Variants in ASS1 observed in about 807,000 individuals in gnomAD.
ASS1 encodes argininosuccinate synthase 1.
A neutral mutation model predicts 60.5 loss-of-function variants in ASS1; 58 were observed. The observed-to-expected ratio is 0.96, with a 90% CI of 0.78 to 1.19. ASS1 has a LOEUF of 1.19. Ranked by LOEUF, ASS1 falls within the 50% of genes most tolerant of loss-of-function variation. ASS1 has a pLI of 0.00. For synonymous variants in ASS1, 200 were observed against 206.9 expected (o/e 0.97, Z 0.29); for missense variants, 454 against 547.3 (o/e 0.83, Z 1.70).
At chr9:130,484,926 C>T (rs1846271502) in intron 11 of ASS1, among the ~76,000 whole-genome samples, 1 of 152,196 alleles carries the variant, frequency 6.6e-6, no homozygotes, top group South Asian at 2.1e-4. Flanking sequence ...ATTAATTGCA[C>T]TGGTGTGTTT....
At position 130,461,669 on chromosome 9, in the gene ASS1, A is replaced by T. The variant is rs544443465; in HGVS notation, c.364-2442A>T. Reference sequence around the variant, plus strand: ...TGACAGTACCCAGGAAACCCCCAACAGCCTCTGGAGACAATTTCCGAGAAC... The same window carrying T: ...TGACAGTACCCAGGAAACCCCCAACTGCCTCTGGAGACAATTTCCGAGAAC... On this transcript the variant is annotated intron_variant, in intron 4 of 14. Transcript: ENST00000352480. 4.6e-5 allele frequency among the ~76,000 whole-genome samples: 7 copies of T among 152,314 alleles called. No individual in the cohort carries two copies. In the South Asian group the frequency reaches 1.5e-3, roughly 32 times the overall value.
chr9:130,452,106 A>G, intron 1 of ASS1, 118 bp from the exon 2 acceptor site: 1 of 861,662 alleles, frequency 1.2e-6, no homozygotes, highest in Non-Finnish European at 1.9e-6. Flanking sequence ...CTTCAGTGGC[A>G]GCTTGCCCAG....
intron 4 of ASS1, among the ~76,000 whole-genome samples, chr9:130,461,212 G>C (rs912024589): frequency 1.3e-5 from 2 of 151,958 alleles, no homozygotes; most frequent in Non-Finnish European, 2.9e-5. Flanking sequence ...ATGGGTGGGT[G>C]GGTGAGTATG....
intron 11 of ASS1, among the ~76,000 whole-genome samples, chr9:130,482,512 G>A (rs529041504): frequency 6.6e-6 from 1 of 152,044 alleles, no homozygotes; most frequent in South Asian, 2.1e-4. Flanking sequence ...CGTGATGAAA[G>A]TGTATTGCCT....
At chr9:130,465,725 G>A (rs1273769993) in intron 5 of ASS1, among the ~76,000 whole-genome samples, 1 of 152,262 alleles carries the variant, frequency 6.6e-6, no homozygotes, top group African/African-American at 2.4e-5. Context: ...TTAACCAGCT[G>A]GTAGCTCTTG....
chr9:130,476,928 AC>A lies in ASS1; in HGVS notation c.659del (p.Pro220LeufsTer14), dbSNP rs756128489. The A allele has an allele frequency of 1.9e-6, 3 of 1,613,492 alleles. No homozygotes were observed. In the South Asian group the frequency reaches 3.3e-5, roughly 18 times the overall value. On this transcript the variant is annotated frameshift_variant, in exon 9 of 15. Coordinates refer to ENST00000352480, the MANE Select transcript of ASS1 (RefSeq NM_054012.4). LOFTEE classifies it high-confidence loss of function. The surrounding 1 kb of genome is among the most constrained non-coding windows in gnomAD (Gnocchi z 4.9). ...KTQDPAKAPN[T>X]PDILEIEFKK... Reference sequence around the variant, plus strand: ...CCAGGACCCAGCCAAAGCCCCCAACACCCCTGACATTCTCGAGATCGAGTTC... The same window carrying A: ...CCAGGACCCAGCCAAAGCCCCCAACACCCTGACATTCTCGAGATCGAGTTC...
Position 130,501,169 on chromosome 9 carries a change from C to T in ASS1, c.*148C>T, listed in dbSNP as rs964933866. On this transcript the variant is annotated 3_prime_UTR_variant, in exon 15 of 15. Coordinates refer to ENST00000352480, the MANE Select transcript of ASS1 (RefSeq NM_054012.4). Reference sequence around the variant, plus strand: ...CCAGGCCCCAGCTTTGTTCCCTGGTCCCCCTGAAGCCTGCAAACGTTGTCA... The same window carrying T: ...CCAGGCCCCAGCTTTGTTCCCTGGTTCCCCTGAAGCCTGCAAACGTTGTCA... 1.8e-5 allele frequency: 15 copies of T among 838,802 alleles called. No individual in the cohort carries two copies. The highest frequency in any genetic ancestry group is 2.9e-5 in the Non-Finnish European group (15 of 512,376). The allele number at this position is 838,802 out of a possible 1,614,324, so 52.0% of individuals were successfully genotyped here. A position where few individuals can be genotyped will look rare whatever the true frequency, so the allele number is the denominator to read the frequency against.
chr9:130,464,575 G>A (rs759614239), intron 5 of ASS1, among the ~76,000 whole-genome samples: 3 of 152,062 alleles, frequency 2.0e-5, no homozygotes, highest in African/African-American at 4.8e-5. Context: ...AGAGCCCTCC[G>A]AGCCCCAGTC....
intron 6 of ASS1, among the ~76,000 whole-genome samples, chr9:130,469,512 G>T (rs1845821289): frequency 6.6e-6 from 1 of 151,888 alleles, no homozygotes; most frequent in African/African-American, 2.4e-5. Flanking sequence ...CCAAGTTCAA[G>T]TGATGCTCCT....
intron 12 of ASS1, among the ~76,000 whole-genome samples, chr9:130,493,475 G>A (rs1846502245): frequency 6.6e-6 from 1 of 152,148 alleles, no homozygotes; most frequent in Non-Finnish European, 1.5e-5. Flanking sequence ...TGGAGAGCAA[G>A]GACTCAACCT....
intron 3 of ASS1, among the ~76,000 whole-genome samples, chr9:130,455,322 A>C (rs1326729621): frequency 1.3e-5 from 2 of 151,458 alleles, no homozygotes; most frequent in African/African-American, 4.9e-5. Flanking sequence ...CCATCCATCC[A>C]CATATCCATC....
At chr9:130,475,824 T>C (rs1846001783) in intron 8 of ASS1, among the ~76,000 whole-genome samples, 1 of 148,276 alleles carries the variant, frequency 6.7e-6, no homozygotes, top group African/African-American at 2.5e-5. Flanking sequence ...TGGTGCAATC[T>C]CGGCTCACTG....
At chr9:130,466,621 GA>G in intron 5 of ASS1, 103 bp from the exon 6 acceptor site, 2 of 1,069,588 alleles carry the variant, frequency 1.9e-6, no homozygotes, top group South Asian at 2.6e-5. Context: ...ACATGCTGGA[GA>G]CCCCCATGGG....
At chr9:130,471,658 TC>T in intron 8 of ASS1, 143 bp downstream of exon 8, 4 of 976,680 alleles carry the variant, frequency 4.1e-6, no homozygotes, top group Non-Finnish European at 6.3e-6. Flanking sequence ...CTGCCTGTGT[TC>T]CCCGACCCCC....
At chr9:130,447,950 G>A (rs1042089034) in intron 1 of ASS1, among the ~76,000 whole-genome samples, 3 of 151,970 alleles carry the variant, frequency 2.0e-5, no homozygotes, top group Non-Finnish European at 1.5e-5. Flanking sequence ...TGGGGAGCAG[G>A]CTGTTTGCAC....
intron 14 of ASS1, 143 bp downstream of exon 14, chr9:130,499,713 C>A: frequency 1.2e-6 from 1 of 813,256 alleles, no homozygotes; most frequent in Non-Finnish European, 2.1e-6. Context: ...AGACAAACCC[C>A]ACTTTCCTGT....
intron 6 of ASS1, among the ~76,000 whole-genome samples, chr9:130,468,977 T>C (rs1845809159): frequency 6.6e-6 from 1 of 152,176 alleles, no homozygotes. Context: ...GGAGGGTCAT[T>C]GTCATTGGCC....
At chr9:130,456,460 C>G (rs1169144585) in intron 3 of ASS1, among the ~76,000 whole-genome samples, 3 of 152,034 alleles carry the variant, frequency 2.0e-5, no homozygotes, top group Non-Finnish European at 1.5e-5. Flanking sequence ...CAGCAAAACT[C>G]TGTAAAAAAA....
At chr9:130,444,720 T>C (rs1395847086), upstream of ASS1, among the ~76,000 whole-genome samples, 1 of 150,772 alleles carries the variant, frequency 6.6e-6, no homozygotes, top group African/African-American at 2.4e-5. The surrounding 1 kb of genome is among the most constrained non-coding windows in gnomAD (Gnocchi z 4.7). Context: ...GGCGCGCCCC[T>C]GGGAGGGTGA....
Sources: allele counts gnomAD v4.1 joint callset (sites outside exome capture counted in the v4.1 genomes callset), GRCh38; gene constraint gnomAD v4.1.1; non-coding constraint Gnocchi (gnomAD v3.1); transcripts MANE v1.5; gene names NCBI Gene and HGNC (gene_info 2026-07-23, HGNC 2026-07-21).